The following CUBN variants were observed in gnomAD, a reference collection of about 807,000 sequenced individuals.
The protein encoded by CUBN is cubilin.
CUBN carries 282 observed loss-of-function variants against 405.3 expected under a neutral mutation model. The ratio of observed to expected loss-of-function variants is 0.70; its 90% CI spans 0.63 to 0.77. The LOEUF is 0.77. CUBN is among the 30% of genes least tolerant of loss of function. CUBN has a pLI of 0.00. For missense variants in CUBN, 4,514 were observed against 4,475.2 expected (o/e 1.01, Z -0.25); for synonymous variants, 1,684 against 1,617.0 (o/e 1.04, Z -0.99).
At position 17,068,713 on chromosome 10, in the gene CUBN, T is replaced by A. The variant is rs778359046; in HGVS notation, c.2683A>T (p.Ile895Leu). The A allele has an allele frequency of 1.9e-6, 3 of 1,612,394 alleles. No individual in the cohort carries two copies. The highest frequency in any genetic ancestry group is 2.5e-6 in the Non-Finnish European group (3 of 1,178,628). ...PENKKYCGTD[I>L]PSFITSVYNF... ...TACACAGATGTTATAAATGAAGGTA[T>A]GTCTGTACCGCAATACTTTTTATTT... is the stretch of plus-strand genomic sequence containing the variant. Residue 895 changes from isoleucine to leucine, a missense_variant, in exon 20 of 67, where the codon ATA becomes TTA. Ile to Leu is a conservative substitution (Grantham distance 5, BLOSUM62 2). Coordinates refer to ENST00000377833, the MANE Select transcript of CUBN (RefSeq NM_001081.4).
At chr10:16,848,393 A>T (rs1444373159) in intron 60 of CUBN, among the ~76,000 whole-genome samples, 1 of 152,210 alleles carries the variant, frequency 6.6e-6, no homozygotes, top group African/African-American at 2.4e-5. Flanking sequence ...CGGGGAAAAA[A>T]AGGGAGGTAA....
chr10:16,900,964 T>G (rs1588632320), intron 52 of CUBN, 114 bp from the exon 53 acceptor site: 2 of 823,124 alleles, frequency 2.4e-6, no homozygotes, highest in East Asian at 5.3e-5. Flanking sequence ...TATTTTTGTC[T>G]CTTATTTAAT....
In CUBN at chr10:16,937,608, T is replaced by C. The variant is rs553087129; in HGVS notation, c.5910A>G (p.Leu1970=). ...CAAACACACCTGGAGCAATGGTAGGTAAAACACCATCAGGTGCATCCACTG... is the reference window on the plus strand; with the variant it reads ...CAAACACACCTGGAGCAATGGTAGGCAAAACACCATCAGGTGCATCCACTG... The part of the protein sequence containing the change: ...WFAVDAPDGV[L]PTIAPGACGG... The change falls in exon 39 of 67, where the codon TTA becomes TTG. Residue 1970 remains leucine, a synonymous_variant. Transcript: ENST00000377833. The C allele has an allele frequency of 5.0e-6, 8 of 1,613,838 alleles. No individual in the cohort carries two copies. In the African/African-American group the frequency reaches 6.7e-5, roughly 13 times the overall value.
At chr10:17,032,583 C>G (rs1401664043) in intron 27 of CUBN, among the ~76,000 whole-genome samples, 1 of 152,168 alleles carries the variant, frequency 6.6e-6, no homozygotes. Context: ...GTAGTAGTGT[C>G]TAGCACATGA....
intron 56 of CUBN, among the ~76,000 whole-genome samples, chr10:16,882,728 T>C (rs1840697575): frequency 6.6e-6 from 1 of 152,130 alleles, no homozygotes; most frequent in African/African-American, 2.4e-5. Context: ...AAATGGGTTC[T>C]AGGGGCCAGG....
At position 17,071,454 on chromosome 10, in the gene CUBN, G is replaced by A; in HGVS notation, c.2597C>T (p.Ser866Phe). The A allele has an allele frequency of 6.2e-7, 1 of 1,613,966 alleles. No homozygotes were observed. The highest frequency in any genetic ancestry group is 1.1e-5 in the South Asian group (1 of 91,076). ...AACATAATCTGTTTCACAGTGGGCA[G>A]AACTTCCAATTTCAAAGACAGTGAA... ...LNFTVFEIGS[S>F]AHCETDYVEI... The change falls in exon 19 of 67, where the codon TCT (serine) becomes TTT (phenylalanine). Residue 866 changes from serine (S) to phenylalanine (F), a missense_variant. By Grantham distance (155) the Ser-to-Phe change is radical. Around this residue, in one of 5 missense-constraint regions of CUBN, gnomAD observed 1,448 missense variants for 1,388.0 expected, o/e 1.04. Transcript: ENST00000377833.
intron 22 of CUBN, among the ~76,000 whole-genome samples, chr10:17,048,707 G>A (rs1332075137): frequency 6.6e-6 from 1 of 152,142 alleles, no homozygotes; most frequent in African/African-American, 2.4e-5. Flanking sequence ...GGGTATAGGA[G>A]TAGACAGAGG....
At chr10:17,071,675 C>A (rs1835743612) in intron 18 of CUBN, 71 bp from the exon 19 acceptor site, 2 of 1,517,470 alleles carry the variant, frequency 1.3e-6, no homozygotes, top group African/African-American at 1.4e-5. Context: ...ATTGCAAAAT[C>A]TAATACTGCC....
At chr10:17,013,411 CCTCT>C (rs56347369) in intron 28 of CUBN, among the ~76,000 whole-genome samples, 1 of 151,602 alleles carries the variant, frequency 6.6e-6, no homozygotes, top group African/African-American at 2.4e-5. Flanking sequence ...TCTCTCTCTT[CCTCT>C]CTCTGTCTCT....
intron 59 of CUBN, among the ~76,000 whole-genome samples, chr10:16,862,631 C>A (rs1395712855): frequency 5.9e-5 from 9 of 152,150 alleles, no homozygotes. Flanking sequence ...TTATTTATAA[C>A]AAAAGAATGT....
At chr10:17,112,553 G>T (rs1836794712) in intron 8 of CUBN, among the ~76,000 whole-genome samples, 1 of 151,942 alleles carries the variant, frequency 6.6e-6, no homozygotes, top group African/African-American at 2.4e-5. Flanking sequence ...TTATTTTTCT[G>T]ATTTATAGTT....
chr10:16,953,035 G>A (rs1842960381), intron 32 of CUBN, among the ~76,000 whole-genome samples: 3 of 152,144 alleles, frequency 2.0e-5, no homozygotes, highest in South Asian at 4.1e-4. Context: ...GAGAGGTCAG[G>A]GTGGGTTCTG....
At chr10:16,868,126 T>C (rs1290584125) in intron 59 of CUBN, among the ~76,000 whole-genome samples, 1 of 152,130 alleles carries the variant, frequency 6.6e-6, no homozygotes. Flanking sequence ...ACCTACACAA[T>C]TCTGTTAAGG....
Position 16,925,871 on chromosome 10 carries a change from C to A in CUBN, c.6272-97G>T, listed in dbSNP as rs796775205. ...TCTTGGGGGGTTTTCAAAGTGGAGG[C>A]AATAAAAATGCTTGAAAATAAAGCC... On this transcript the variant is annotated intron_variant, in intron 41 of 66. Transcript: ENST00000377833. The A allele has an allele frequency of 8.5e-6, 9 of 1,054,472 alleles. No individual in the cohort carries two copies. In the African/African-American group the frequency reaches 1.3e-4, roughly 15 times the overall value. 65.3% of individuals were successfully genotyped at this position (1,054,472 alleles called of 1,614,324 possible). A position where few individuals can be genotyped will look rare whatever the true frequency, so the allele number is the denominator to read the frequency against.
chr10:17,117,898 T>C (rs1270825411), intron 6 of CUBN, among the ~76,000 whole-genome samples: 1 of 152,188 alleles, frequency 6.6e-6, no homozygotes, highest in Admixed American at 6.5e-5. Flanking sequence ...TCTTATGAAA[T>C]AATAGTGGTA....
chr10:16,879,390 C>A (rs1241626372), intron 56 of CUBN, among the ~76,000 whole-genome samples: 1 of 152,190 alleles, frequency 6.6e-6, no homozygotes, highest in African/African-American at 2.4e-5. Flanking sequence ...GCGATGCTAA[C>A]TTGAACATAT....
chr10:17,032,893 T>G (rs1834816244), intron 27 of CUBN, among the ~76,000 whole-genome samples: 1 of 152,168 alleles, frequency 6.6e-6, no homozygotes, highest in Admixed American at 6.5e-5. Context: ...GATGTCTCCC[T>G]TTCCTTCATC....
intron 6 of CUBN, among the ~76,000 whole-genome samples, chr10:17,119,225 C>A (rs192057262): frequency 6.6e-6 from 1 of 152,312 alleles, no homozygotes. Context: ...ATAAAATTTA[C>A]TAATCATCAT....
At chr10:17,040,993 T>C (rs1835004593) in intron 27 of CUBN, 40 bp downstream of exon 27, 3 of 1,573,452 alleles carry the variant, frequency 1.9e-6, no homozygotes, top group Middle Eastern at 1.7e-4. Flanking sequence ...TCTCCCTTGA[T>C]CTGAAAAAGC....
Sources: gnomAD v4.1 joint callset for allele counts (sites outside exome capture counted in the v4.1 genomes callset) on GRCh38, gnomAD v4.1.1 for gene constraint, gnomAD v4.1.1 regional missense constraint, MANE v1.5 for transcripts, NCBI Gene and HGNC (gene_info 2026-07-23, HGNC 2026-07-21) for gene names.